The following CCDC6 variants were observed in gnomAD, a reference collection of about 807,000 sequenced individuals.
CCDC6 encodes coiled-coil domain-containing protein 6.
A neutral mutation model predicts 56.6 loss-of-function variants in CCDC6; 20 were observed. That is an observed-to-expected ratio of 0.35 (90% CI 0.25 to 0.51). The LOEUF is 0.51. CCDC6 is among the 20% of genes least tolerant of loss of function. CCDC6 has a pLI of 0.95. For synonymous variants in CCDC6, 241 were observed against 234.4 expected (o/e 1.03, Z -0.26); for missense variants, 367 against 601.1 (o/e 0.61, Z 4.07).
chr10:59,857,055 TA>T (rs903259634), intron 1 of CCDC6, among the ~76,000 whole-genome samples: 47 of 152,332 alleles, frequency 3.1e-4, no homozygotes, highest in African/African-American at 1.1e-3. Context: ...ATTATTTGTG[TA>T]ATTTAAAACA....
chr10:59,806,086 C>T (rs1346277155), intron 6 of CCDC6, among the ~76,000 whole-genome samples: 1 of 152,184 alleles, frequency 6.6e-6, no homozygotes, highest in African/African-American at 2.4e-5. Flanking sequence ...AAGATACCGC[C>T]CATGTAACGC....
intron 1 of CCDC6, among the ~76,000 whole-genome samples, chr10:59,882,095 G>GGGGAGAAGGAAAGGAAAGCC (rs2071344147): frequency 3.5e-4 from 4 of 11,288 alleles, no homozygotes; most frequent in African/African-American, 1.2e-3. Flanking sequence ...AGGAAAGCCG[G>GGGGAGAAGGAAAGGAAAGCC]GGGGAGAAGG....
intron 2 of CCDC6, among the ~76,000 whole-genome samples, chr10:59,833,795 A>G (rs934052872): frequency 1.3e-5 from 2 of 152,118 alleles, no homozygotes; most frequent in African/African-American, 2.4e-5. Context: ...GTTCAAAGCC[A>G]TTTCTTTTGG....
At chr10:59,820,785 GAAAGA>G (rs2070743829) in intron 3 of CCDC6, among the ~76,000 whole-genome samples, 1 of 140,894 alleles carries the variant, frequency 7.1e-6, no homozygotes, top group Non-Finnish European at 1.5e-5. Context: ...ATGAAAGAAA[GAAAGA>G]AAAAAAAGAA....
chr10:59,906,104 T>A lies in CCDC6; in HGVS notation c.303+18A>T. Reference sequence around the variant, plus strand: ...GGGCGGAGGTCGGCGCTGCGGCGCGTCCCCGGGGGGCACTCACGATGGTCA... The same window carrying A: ...GGGCGGAGGTCGGCGCTGCGGCGCGACCCCGGGGGGCACTCACGATGGTCA... On this transcript the variant is annotated intron_variant, in intron 1 of 8. Transcript: ENST00000263102. 6.4e-7 allele frequency: 1 copy of A among 1,561,250 alleles called. No homozygotes were observed.
chr10:59,850,095 C>T (rs1244260963), intron 2 of CCDC6, among the ~76,000 whole-genome samples: 2 of 152,174 alleles, frequency 1.3e-5, no homozygotes, highest in African/African-American at 4.8e-5. Flanking sequence ...CAACAGATCT[C>T]CTGTTATGCC....
rs1554888800 is a variant in CCDC6, at chr10:59,906,311, C to CCCG, written c.111_113dup (p.Gly44dup). On this transcript the variant is annotated inframe_insertion, in exon 1 of 9. Coordinates refer to ENST00000263102, the MANE Select transcript of CCDC6 (RefSeq NM_005436.5). ...CCGACTTCCCACCGCCGCCGCCTCC[C>CCCG]CCGCCGCCACCGCCGCCGCCCGAGG... 6.2e-7 allele frequency: 1 copy of CCCG among 1,601,022 alleles called. No individual in the cohort carries two copies. Among genetic ancestry groups the CCCG allele is most frequent in the Non-Finnish European group, 8.5e-7 (1 of 1,178,578 alleles).
chr10:59,895,373 AGCTCTGAGGTCAGACCTGG>A (rs1361186706), intron 1 of CCDC6, among the ~76,000 whole-genome samples: 1 of 152,226 alleles, frequency 6.6e-6, no homozygotes, highest in Non-Finnish European at 1.5e-5. Context: ...AGACTGTAGA[AGCTCTGAGGTCAGACCTGG>A]GCTCAAATCC....
intron 1 of CCDC6, among the ~76,000 whole-genome samples, chr10:59,897,151 G>A (rs979527373): frequency 6.6e-6 from 1 of 152,102 alleles, no homozygotes; most frequent in Non-Finnish European, 1.5e-5. Context: ...TTGACTCAAC[G>A]GATGTCTTTG....
At chr10:59,819,114 G>T (rs2070731834) in intron 3 of CCDC6, among the ~76,000 whole-genome samples, 1 of 152,136 alleles carries the variant, frequency 6.6e-6, no homozygotes, top group Admixed American at 6.5e-5. Context: ...TCTTTATTTA[G>T]AAGTGTGATA....
At chr10:59,868,414 C>A (rs1412664785) in intron 1 of CCDC6, among the ~76,000 whole-genome samples, 1 of 152,184 alleles carries the variant, frequency 6.6e-6, no homozygotes, top group African/African-American at 2.4e-5. Context: ...CATGCAGATA[C>A]GTTGTCCAGC....
At chr10:59,872,710 A>T (rs1216303039) in intron 1 of CCDC6, among the ~76,000 whole-genome samples, 1 of 144,344 alleles carries the variant, frequency 6.9e-6, no homozygotes, top group African/African-American at 2.5e-5. Context: ...CAAGGATTTC[A>T]TGGTCAAACT....
intron 2 of CCDC6, among the ~76,000 whole-genome samples, chr10:59,840,493 ACCT>A (rs2070928751): frequency 6.6e-6 from 1 of 152,062 alleles, no homozygotes; most frequent in Non-Finnish European, 1.5e-5. Flanking sequence ...CTCTGGGCAC[ACCT>A]CCTGAGTAAC....
intron 2 of CCDC6, among the ~76,000 whole-genome samples, chr10:59,842,316 G>C (rs1322798070): frequency 2.6e-5 from 4 of 152,110 alleles, no homozygotes; most frequent in African/African-American, 9.7e-5. Flanking sequence ...CAAAGTGCTA[G>C]GATTACAGGT....
At chr10:59,864,055 A>G (rs1421653790) in intron 1 of CCDC6, among the ~76,000 whole-genome samples, 1 of 152,228 alleles carries the variant, frequency 6.6e-6, no homozygotes, top group East Asian at 1.9e-4. Context: ...GCAACAACAT[A>G]AACTACAGTT....
chr10:59,906,520 G>T lies in CCDC6; in HGVS notation c.-96C>A. Reference sequence around the variant, plus strand: ...GAGTGGGCGCCGGGCGAGCACAGGGGAGCGCCGAGCTGAGCGCCTGGCACC... The same window carrying T: ...GAGTGGGCGCCGGGCGAGCACAGGGTAGCGCCGAGCTGAGCGCCTGGCACC... On this transcript the variant is annotated 5_prime_UTR_variant, in exon 1 of 9. Transcript: ENST00000263102. 9.0e-7 allele frequency: 1 copy of T among 1,113,454 alleles called. No homozygotes were observed. Among genetic ancestry groups the T allele is most frequent in the South Asian group, 1.8e-5 (1 of 55,588 alleles). 69.0% of individuals were successfully genotyped at this position (1,113,454 alleles called of 1,614,324 possible).
chr10:59,888,955 G>A lies in CCDC6; in HGVS notation c.303+17167C>T, dbSNP rs543109358. 2.0e-4 allele frequency among the ~76,000 whole-genome samples: 30 copies of A among 152,078 alleles called. 1 individual carries two copies. In the East Asian group the frequency reaches 5.1e-3, roughly 26 times the overall value. ...TTGCATGCCAGACAAGCAGGGCCAC[G>A]AGATAAGGCCTCTAAGTCACTAACA... On this transcript the variant is annotated intron_variant, in intron 1 of 8. Transcript: ENST00000263102.
At chr10:59,803,663 G>A (rs1564737817) in intron 7 of CCDC6, among the ~76,000 whole-genome samples, 1 of 152,154 alleles carries the variant, frequency 6.6e-6, no homozygotes, top group Non-Finnish European at 1.5e-5. Flanking sequence ...TGCCTCCCTG[G>A]CCTGAGAGCC....
At chr10:59,793,186 G>T in intron 8 of CCDC6, 75 bp from the exon 9 acceptor site, 2 of 1,202,246 alleles carry the variant, frequency 1.7e-6, no homozygotes, top group Non-Finnish European at 2.4e-6. Context: ...GCCTGACTTG[G>T]CACTGGGGCT....
Sources: allele counts gnomAD v4.1 joint callset (sites outside exome capture counted in the v4.1 genomes callset), GRCh38; gene constraint gnomAD v4.1.1; transcripts MANE v1.5; gene names NCBI Gene and HGNC (gene_info 2026-07-23, HGNC 2026-07-21).